FOXP1: variants seen among roughly 807,000 people sequenced by gnomAD.
FOXP1 encodes the protein forkhead box P1.
A neutral mutation model predicts 98.2 loss-of-function variants in FOXP1; 15 were observed. That is an observed-to-expected ratio of 0.15 (90% CI 0.10 to 0.24). FOXP1 has a LOEUF of 0.24. Among genes scored for constraint, FOXP1 ranks in the 10% least tolerant of loss-of-function variants. The probability of loss-of-function intolerance (pLI) is 1.00; values close to 1 mark genes in which losing one functional copy is unlikely to be tolerated. For synonymous variants in FOXP1, 371 were observed against 314.5 expected (o/e 1.18, Z -1.90); for missense variants, 633 against 848.5 (o/e 0.75, Z 3.15).
intron 6 of FOXP1, among the ~76,000 whole-genome samples, chr3:71,136,523 A>C (rs1242823434): frequency 6.6e-6 from 1 of 152,202 alleles, no homozygotes; most frequent in Non-Finnish European, 1.5e-5. Flanking sequence ...GAAGTAAATG[A>C]CTCATAAGAA....
chr3:71,252,826 G>C (rs183027973), intron 5 of FOXP1, among the ~76,000 whole-genome samples: 1 of 152,204 alleles, frequency 6.6e-6, no homozygotes, highest in Non-Finnish European at 1.5e-5. Context: ...AATGCCAACC[G>C]AGTGATAAAC....
chr3:71,259,712 C>G (rs2068934001), intron 5 of FOXP1, among the ~76,000 whole-genome samples: 1 of 152,172 alleles, frequency 6.6e-6, no homozygotes, highest in South Asian at 2.1e-4. Flanking sequence ...AAAGTGCCTA[C>G]AAATCAATTA....
chr3:71,118,855 T>C (rs2058562506), intron 6 of FOXP1, among the ~76,000 whole-genome samples: 1 of 152,250 alleles, frequency 6.6e-6, no homozygotes. Flanking sequence ...CATTCCCTTA[T>C]ATATAATCTA....
intron 6 of FOXP1, among the ~76,000 whole-genome samples, chr3:71,185,948 T>C (rs1467052616): frequency 1.3e-5 from 2 of 152,234 alleles, no homozygotes; most frequent in Non-Finnish European, 2.9e-5. Flanking sequence ...TGAAGATTTA[T>C]TACCTAAATC....
At chr3:71,461,084 G>C (rs2088048326) in intron 3 of FOXP1, among the ~76,000 whole-genome samples, 1 of 152,168 alleles carries the variant, frequency 6.6e-6, no homozygotes, top group Admixed American at 6.5e-5. Context: ...AGAGAGGTTT[G>C]AGTTTTATCT....
chr3:71,141,251 AG>A (rs2060054653), intron 6 of FOXP1, among the ~76,000 whole-genome samples: 1 of 140,356 alleles, frequency 7.1e-6, no homozygotes, highest in African/African-American at 2.8e-5. Context: ...CTGGTGACAG[AG>A]CAAGACTCTG....
intron 12 of FOXP1, among the ~76,000 whole-genome samples, chr3:71,007,452 T>C (rs2107664806): frequency 6.6e-6 from 1 of 152,326 alleles, no homozygotes; most frequent in South Asian, 2.1e-4. Flanking sequence ...ATATCCGGCC[T>C]CCTTCGACAT....
intron 7 of FOXP1, among the ~76,000 whole-genome samples, chr3:71,093,474 A>C (rs1301271879): frequency 1.4e-5 from 2 of 141,184 alleles, no homozygotes; most frequent in Non-Finnish European, 3.2e-5. Flanking sequence ...CCACATTTCA[A>C]GTTCTGTTCC....
chr3:70,976,441 C>A (rs575493332), intron 17 of FOXP1, among the ~76,000 whole-genome samples: 1 of 152,330 alleles, frequency 6.6e-6, no homozygotes, highest in East Asian at 1.9e-4. Flanking sequence ...ATAACTCCTA[C>A]AAACAGTGCT....
At chr3:71,253,257 G>A (rs912326917) in intron 5 of FOXP1, among the ~76,000 whole-genome samples, 12 of 152,216 alleles carry the variant, frequency 7.9e-5, no homozygotes, top group Non-Finnish European at 1.5e-4. Flanking sequence ...ATGCACTGGT[G>A]TGGACAGCTG....
At chr3:71,178,086 G>A (rs1176421847) in intron 6 of FOXP1, among the ~76,000 whole-genome samples, 7 of 149,986 alleles carry the variant, frequency 4.7e-5, no homozygotes, top group African/African-American at 7.4e-5. Flanking sequence ...ATCCTGCCTC[G>A]GCCTCCCAAA....
intron 7 of FOXP1, among the ~76,000 whole-genome samples, chr3:71,063,625 TA>T (rs1488821555): frequency 2.0e-5 from 3 of 152,232 alleles, no homozygotes; most frequent in Admixed American, 6.5e-5. Context: ...AAATGTAACT[TA>T]TTTTTTTTCT....
At chr3:71,064,071 C>A (rs1165616553) in intron 7 of FOXP1, among the ~76,000 whole-genome samples, 2 of 152,150 alleles carry the variant, frequency 1.3e-5, no homozygotes, top group East Asian at 3.9e-4. Context: ...CACGTCCAAA[C>A]CCAAACCCCG....
intron 3 of FOXP1, among the ~76,000 whole-genome samples, chr3:71,369,791 G>C (rs2079171723): frequency 6.6e-6 from 1 of 152,096 alleles, no homozygotes; most frequent in East Asian, 1.9e-4. Flanking sequence ...CAACTCAGAG[G>C]GAAAGCATCC....
intron 1 of FOXP1, 62 bp downstream of exon 1, chr3:71,583,509 G>A (rs2048360912): frequency 4.1e-6 from 4 of 981,452 alleles, no homozygotes; most frequent in East Asian, 2.3e-4. Context: ...TTAAAGTGGC[G>A]GAAACAAGAC....
rs72960080 is a variant in FOXP1, at chr3:70,976,896, T to C, written c.1530+45A>G. The C allele has an allele frequency of 5.5e-3, 7,620 of 1,378,938 alleles. 283 individuals carry two copies. In the African/African-American group the frequency reaches 0.092, roughly 17 times the overall value. 85.4% of individuals were successfully genotyped at this position (1,378,938 alleles called of 1,614,324 possible). On this transcript the variant is annotated intron_variant, in intron 17 of 20. Coordinates refer to ENST00000649528, the MANE Select transcript of FOXP1 (RefSeq NM_001349338.3). ...GCATTTTATCAACAACAAACTGTTC[T>C]ATGAACGTCAAGATCCAAGAATAAA... is the stretch of plus-strand genomic sequence containing the variant.
In FOXP1 at chr3:70,954,993, C is replaced by T. The variant is rs949376715; in HGVS notation, c.*4254G>A. On this transcript the variant is annotated 3_prime_UTR_variant, in exon 21 of 21. Coordinates refer to ENST00000649528, the MANE Select transcript of FOXP1 (RefSeq NM_001349338.3). ...CAAGGCTTATGGGTAGCAGAGATTGCGTGAGCTACACTGGGCCCAAGAAAT... is the reference window on the plus strand; with the variant it reads ...CAAGGCTTATGGGTAGCAGAGATTGTGTGAGCTACACTGGGCCCAAGAAAT... 1.4e-4 allele frequency: 32 copies of T among 232,220 alleles called. No individual in the cohort carries two copies. The highest frequency in any genetic ancestry group is 5.3e-4 in the African/African-American group (24 of 45,354). The allele number at this position is 232,220 out of a possible 1,614,324, so 14.4% of individuals were successfully genotyped here. A position where few individuals can be genotyped will look rare whatever the true frequency, so the allele number is the denominator to read the frequency against.
chr3:71,113,792 A>AAG, intron 6 of FOXP1, among the ~76,000 whole-genome samples: 1 of 146,654 alleles, frequency 6.8e-6, no homozygotes, highest in East Asian at 2.2e-4. Context: ...AAACAATGTC[A>AAG]TCAATAAACC....
intron 13 of FOXP1, among the ~76,000 whole-genome samples, chr3:70,991,714 AG>A (rs1436637075): frequency 2.0e-5 from 3 of 152,228 alleles, no homozygotes; most frequent in African/African-American, 4.8e-5. Context: ...ACAGAGGTAA[AG>A]GCTACTGTGG....
Sources: gnomAD v4.1 joint callset for allele counts (sites outside exome capture counted in the v4.1 genomes callset) on GRCh38, gnomAD v4.1.1 for gene constraint, MANE v1.5 for transcripts, NCBI Gene and HGNC (gene_info 2026-07-23, HGNC 2026-07-21) for gene names.